Variants in USP34 observed in about 807,000 individuals in gnomAD.
The protein encoded by USP34 is ubiquitin specific peptidase 34.
In USP34, 70 loss-of-function variants were observed where a neutral mutation model predicts 460.3. The observed-to-expected ratio is 0.15, with a 90% CI of 0.13 to 0.19. The LOEUF is 0.19. Ranked by LOEUF, USP34 falls within the 10% of genes least tolerant of loss-of-function variation. The pLI is 1.00. For synonymous variants in USP34, 1,647 were observed against 1,405.3 expected (o/e 1.17, Z -3.85); for missense variants, 3,985 against 4,236.2 (o/e 0.94, Z 1.65).
intron 1 of USP34, among the ~76,000 whole-genome samples, chr2:61,459,326 A>T (rs963137538): frequency 6.6e-6 from 1 of 152,218 alleles, no homozygotes; most frequent in Non-Finnish European, 1.5e-5. Flanking sequence ...TGACTCTTAC[A>T]AAGGAAGTAC....
intron 48 of USP34, 73 bp from the exon 49 acceptor site, chr2:61,248,756 T>TA: frequency 1.5e-6 from 2 of 1,357,102 alleles, no homozygotes; most frequent in Non-Finnish European, 2.0e-6. Context: ...TCTGTTATGC[T>TA]ATATCCATTT....
intron 1 of USP34, among the ~76,000 whole-genome samples, chr2:61,430,630 A>G (rs1461850548): frequency 1.3e-5 from 2 of 152,342 alleles, no homozygotes; most frequent in East Asian, 3.9e-4. Context: ...AAATTATATA[A>G]CAATTTAGTT....
At chr2:61,378,904 CAAAAAAACGAAAAAAAAAAAAAAAAA>C (rs1277205935) in intron 7 of USP34, among the ~76,000 whole-genome samples, 3 of 13,206 alleles carry the variant, frequency 2.3e-4, no homozygotes, top group Non-Finnish European at 3.9e-4. Flanking sequence ...GAGTCCATCT[CAAAAAAACGAAAAAAAAAAAAAAAAA>C]AAAAAAACAA....
Position 61,236,175 on chromosome 2 carries a change from A to G in USP34, c.6904T>C (p.Leu2302=), listed in dbSNP as rs1354560545. The change falls in exon 55 of 80, where the codon TTA becomes CTA. Residue 2302 remains leucine (L), a synonymous_variant. Coordinates refer to ENST00000398571, the MANE Select transcript of USP34 (RefSeq NM_014709.4). ...ATATTTATTACCTTTGCTGTCATTAAGGACACAGCTTTAGGATCTGGTAAT... is the reference window on the plus strand; with the variant it reads ...ATATTTATTACCTTTGCTGTCATTAGGGACACAGCTTTAGGATCTGGTAAT... ...STLPDPKAVS[L]MTAKLSTSFV... The G allele has an allele frequency of 6.2e-7, 1 of 1,610,420 alleles. No homozygotes were observed. The highest frequency in any genetic ancestry group is 8.5e-7 in the Non-Finnish European group (1 of 1,178,830).
At chr2:61,365,869 T>G (rs1024966569) in intron 10 of USP34, among the ~76,000 whole-genome samples, 10 of 152,058 alleles carry the variant, frequency 6.6e-5, no homozygotes, top group African/African-American at 2.4e-4. Flanking sequence ...AAAGAACAAA[T>G]CCACAAAGAA....
chr2:61,370,060 T>C (rs1307617196), intron 10 of USP34, among the ~76,000 whole-genome samples: 1 of 151,188 alleles, frequency 6.6e-6, no homozygotes, highest in East Asian at 1.9e-4. Flanking sequence ...GGGTAGACTG[T>C]ATAAATGAGA....
chr2:61,191,303 G>A (rs1225096825), intron 76 of USP34: 2 of 151,942 alleles, frequency 1.3e-5, no homozygotes, highest in Non-Finnish European at 2.9e-5. Flanking sequence ...ATGTCTTTAA[G>A]CAGATACACT....
At chr2:61,364,089 A>G (rs1692355034) in intron 10 of USP34, among the ~76,000 whole-genome samples, 1 of 152,238 alleles carries the variant, frequency 6.6e-6, no homozygotes, top group Non-Finnish European at 1.5e-5. Context: ...GACAGAATGT[A>G]AAACAGCTGA....
intron 8 of USP34, among the ~76,000 whole-genome samples, chr2:61,375,131 A>G (rs1692753302): frequency 6.6e-6 from 1 of 152,216 alleles, no homozygotes; most frequent in Non-Finnish European, 1.5e-5. Context: ...ATTATGGCAA[A>G]TAACCACATA....
At chr2:61,456,266 T>C (rs1695435542) in intron 1 of USP34, among the ~76,000 whole-genome samples, 1 of 152,288 alleles carries the variant, frequency 6.6e-6, no homozygotes, top group Non-Finnish European at 1.5e-5. Context: ...AGAAGCACAC[T>C]CTTAGTTATG....
chr2:61,344,069 T>A, intron 15 of USP34, 40 bp from the exon 16 acceptor site: 1 of 1,588,694 alleles, frequency 6.3e-7, no homozygotes, highest in Non-Finnish European at 8.6e-7. Context: ...TAATTACGAA[T>A]GTGAATCTAA....
chr2:61,270,227 A>G (rs1689172188), intron 41 of USP34, among the ~76,000 whole-genome samples: 1 of 152,196 alleles, frequency 6.6e-6, no homozygotes, highest in Non-Finnish European at 1.5e-5. Context: ...GAAGCAGTAG[A>G]GAGACCTCCT....
Position 61,314,861 on chromosome 2 carries a change from T to A in USP34, c.3382+14A>T, listed in dbSNP as rs182982576. On this transcript the variant is annotated intron_variant, in intron 24 of 79. Transcript: ENST00000398571. ...ATAGAAATTACCTATCAGACAATGT[T>A]TCAAATCACTTACCATTAATATAAT... 6 of 1,601,606 alleles carry A rather than the reference T, an allele frequency of 3.7e-6. No individual in the cohort carries two copies. The African/African-American group carries it at 8.1e-5, about 22-fold the overall frequency.
chr2:61,214,645 C>G lies in USP34; in HGVS notation c.8097G>C (p.Gln2699His), dbSNP rs1572841300. ...VSLIPSNSFRQMFRSTRSLHI... is the reference protein window; with the variant it reads ...VSLIPSNSFRHMFRSTRSLHI... ...GCAAAGACCTTGTTGACCGGAACATCTGACGGAATGAATTGCTTGGTATAA... is the reference window on the plus strand; with the variant it reads ...GCAAAGACCTTGTTGACCGGAACATGTGACGGAATGAATTGCTTGGTATAA... Residue 2699 changes from glutamine (Q) to histidine (H), a missense_variant, in exon 68 of 80, where the codon CAG becomes CAC. Physicochemically the swap from Gln to His is conservative, Grantham distance 24. Transcript: ENST00000398571. 2.5e-6 allele frequency: 4 copies of G among 1,614,180 alleles called. No homozygotes were observed. The highest frequency in any genetic ancestry group is 2.5e-6 in the Non-Finnish European group (3 of 1,180,018).
chr2:61,396,292 TG>T (rs753328531), intron 3 of USP34, among the ~76,000 whole-genome samples: 14 of 152,194 alleles, frequency 9.2e-5, no homozygotes, highest in Non-Finnish European at 1.9e-4. Context: ...ATGAACTTTT[TG>T]GAAGGCTATT....
At chr2:61,224,009 A>G (rs1460041517) in intron 62 of USP34, among the ~76,000 whole-genome samples, 3 of 152,208 alleles carry the variant, frequency 2.0e-5, no homozygotes, top group Non-Finnish European at 4.4e-5. Flanking sequence ...TAATCCATAA[A>G]TCATAGTATC....
chr2:61,402,091 C>G (rs966354142), intron 3 of USP34, among the ~76,000 whole-genome samples: 2 of 151,658 alleles, frequency 1.3e-5, no homozygotes, highest in Non-Finnish European at 2.9e-5. Context: ...CACAGATAAA[C>G]CCCATCTCTT....
intron 3 of USP34, among the ~76,000 whole-genome samples, chr2:61,403,868 C>CTG (rs1193464682): frequency 8.6e-5 from 13 of 151,910 alleles, no homozygotes; most frequent in Middle Eastern, 3.4e-3. Flanking sequence ...TGGCGGGCAC[C>CTG]TGTACTCCCA....
At chr2:61,453,581 G>A (rs532361293) in intron 1 of USP34, among the ~76,000 whole-genome samples, 7 of 151,386 alleles carry the variant, frequency 4.6e-5, no homozygotes, top group Non-Finnish European at 5.9e-5. Flanking sequence ...ATGGTGGTGC[G>A]TGCCTGTAAT....
Sources: gnomAD v4.1 joint callset for allele counts (sites outside exome capture counted in the v4.1 genomes callset) on GRCh38, gnomAD v4.1.1 for gene constraint, MANE v1.5 for transcripts, NCBI Gene and HGNC (gene_info 2026-07-23, HGNC 2026-07-21) for gene names.